KCNQ5: variants seen among roughly 807,000 people sequenced by gnomAD.
The protein encoded by KCNQ5 is potassium voltage-gated channel subfamily KQT member 5.
A neutral mutation model predicts 98.2 loss-of-function variants in KCNQ5; 30 were observed. That is an observed-to-expected ratio of 0.31 (90% CI 0.23 to 0.41). The LOEUF is 0.41. Among genes scored for constraint, KCNQ5 ranks in the 10% least tolerant of loss-of-function variants. KCNQ5 has a pLI of 1.00. For synonymous variants in KCNQ5, 458 were observed against 449.4 expected (o/e 1.02, Z -0.24); for missense variants, 835 against 1,182.5 (o/e 0.71, Z 4.31).
chr6:73,048,183 A>G (rs1259964269), intron 3 of KCNQ5, among the ~76,000 whole-genome samples: 1 of 152,224 alleles, frequency 6.6e-6, no homozygotes, highest in Non-Finnish European at 1.5e-5. Flanking sequence ...AAACAGAAAG[A>G]GTAGAGGCTA....
intron 1 of KCNQ5, among the ~76,000 whole-genome samples, chr6:72,977,682 G>T (rs1768222999): frequency 6.6e-6 from 1 of 152,016 alleles, no homozygotes; most frequent in Admixed American, 6.6e-5. Flanking sequence ...GACCTTCCCT[G>T]ACCACTTTGT....
chr6:72,904,254 A>G (rs1779615813), intron 1 of KCNQ5, among the ~76,000 whole-genome samples: 1 of 152,196 alleles, frequency 6.6e-6, no homozygotes, highest in African/African-American at 2.4e-5. Context: ...CTTATGTGTT[A>G]GATGAGTGTC....
At chr6:72,822,401 G>A (rs904306301) in intron 1 of KCNQ5, among the ~76,000 whole-genome samples, 1 of 152,176 alleles carries the variant, frequency 6.6e-6, no homozygotes. Flanking sequence ...AGAATGATGT[G>A]CATGTTTTTT....
At chr6:72,911,075 A>G (rs1375034455) in intron 1 of KCNQ5, among the ~76,000 whole-genome samples, 2 of 152,318 alleles carry the variant, frequency 1.3e-5, no homozygotes, top group East Asian at 3.9e-4. Flanking sequence ...CCCAAGGGCA[A>G]TGGAAAGCCG....
At chr6:73,194,115 C>T (rs1765697226) in intron 13 of KCNQ5, among the ~76,000 whole-genome samples, 1 of 152,140 alleles carries the variant, frequency 6.6e-6, no homozygotes, top group South Asian at 2.1e-4. Flanking sequence ...GCATTACAGG[C>T]ATGAGCCACT....
At chr6:73,085,154 T>C (rs551678909) in intron 5 of KCNQ5, among the ~76,000 whole-genome samples, 1 of 152,158 alleles carries the variant, frequency 6.6e-6, no homozygotes, top group African/African-American at 2.4e-5. Context: ...TGACTTAAAA[T>C]GTCAAAGCCA....
intron 1 of KCNQ5, among the ~76,000 whole-genome samples, chr6:72,718,813 G>T (rs113878359): frequency 6.6e-6 from 1 of 152,094 alleles, no homozygotes; most frequent in Non-Finnish European, 1.5e-5. Context: ...GACAAGGAGA[G>T]ACTAAACAAA....
intron 2 of KCNQ5, among the ~76,000 whole-genome samples, chr6:73,035,984 T>TG (rs1300985754): frequency 2.7e-5 from 3 of 112,104 alleles, no homozygotes; most frequent in African/African-American, 9.8e-5. Flanking sequence ...CTTGAATACA[T>TG]TTGTGTGTGT....
intron 1 of KCNQ5, among the ~76,000 whole-genome samples, chr6:72,648,719 T>A (rs1176102676): frequency 1.3e-5 from 2 of 151,618 alleles, no homozygotes; most frequent in African/African-American, 2.4e-5. Context: ...TAAATTTTTT[T>A]AAAACCTAAG....
rs1278828929 is a variant in KCNQ5 at position 73,195,607 on chromosome 6, A to G, written c.*193A>G. The G allele has an allele frequency of 1.5e-6, 1 of 650,390 alleles. No homozygotes were observed. The highest frequency in any genetic ancestry group is 1.8e-5 in the African/African-American group (1 of 54,758). The allele number at this position is 650,390 out of a possible 1,614,324, so 40.3% of individuals were successfully genotyped here. A position where few individuals can be genotyped will look rare whatever the true frequency, so the allele number is the denominator to read the frequency against. On this transcript the variant is annotated 3_prime_UTR_variant, in exon 14 of 14. Coordinates refer to ENST00000370398, the MANE Select transcript of KCNQ5 (RefSeq NM_019842.4). ...ATGGCTAAAATTCCAAGGTGCATCG[A>G]CATTAACCCACTCATTTAGTAATGT...
chr6:72,763,731 G>A (rs1772407828), intron 1 of KCNQ5, among the ~76,000 whole-genome samples: 2 of 151,944 alleles, frequency 1.3e-5, no homozygotes, highest in South Asian at 4.1e-4. Flanking sequence ...GGCAAGTAAG[G>A]AAAGGGAAAG....
intron 10 of KCNQ5, among the ~76,000 whole-genome samples, chr6:73,142,489 A>G (rs1456320124): frequency 1.3e-5 from 2 of 149,302 alleles, no homozygotes; most frequent in Non-Finnish European, 3.0e-5. Context: ...TATCCTTTGT[A>G]TTATATCTCA....
intron 11 of KCNQ5, among the ~76,000 whole-genome samples, chr6:73,190,183 A>G (rs188868783): frequency 3.9e-5 from 6 of 152,330 alleles, no homozygotes; most frequent in Admixed American, 3.9e-4. Flanking sequence ...AGTTCCATAA[A>G]AGACCATTTT....
At chr6:73,142,683 A>AG (rs1425426051) in intron 10 of KCNQ5, among the ~76,000 whole-genome samples, 1 of 152,128 alleles carries the variant, frequency 6.6e-6, no homozygotes, top group East Asian at 1.9e-4. Flanking sequence ...TGGGAGGCTG[A>AG]GGGGGATGGA....
At chr6:72,904,397 A>G (rs901377394) in intron 1 of KCNQ5, among the ~76,000 whole-genome samples, 4 of 152,080 alleles carry the variant, frequency 2.6e-5, no homozygotes, top group Admixed American at 1.3e-4. Flanking sequence ...TCATCATGCT[A>G]TTTGTTGCCT....
intron 5 of KCNQ5, among the ~76,000 whole-genome samples, chr6:73,089,117 T>C (rs1774121518): frequency 6.6e-6 from 1 of 152,182 alleles, no homozygotes; most frequent in African/African-American, 2.4e-5. Context: ...TCAGTAAATA[T>C]ATATTGAGTG....
chr6:72,872,732 A>G (rs1778259812), intron 1 of KCNQ5, among the ~76,000 whole-genome samples: 1 of 152,078 alleles, frequency 6.6e-6, no homozygotes, highest in South Asian at 2.1e-4. Flanking sequence ...CGAATTGTAC[A>G]AAAATAGGGG....
At position 72,752,043 on chromosome 6, in the gene KCNQ5, T is replaced by C. The variant is rs552510532; in HGVS notation, c.398+129456T>C. On this transcript the variant is annotated intron_variant, in intron 1 of 13. Coordinates refer to ENST00000370398, the MANE Select transcript of KCNQ5 (RefSeq NM_019842.4). ...TTGGTTTTTGCTATACTACCATACA[T>C]TGCTTCACGTTGGGGGTAAGCTATC... 2.5e-3 allele frequency among the ~76,000 whole-genome samples: 374 copies of C among 152,184 alleles called. 3 individuals carry two copies. The highest frequency in any genetic ancestry group is 8.7e-3 in the African/African-American group (360 of 41,552).
intron 5 of KCNQ5, among the ~76,000 whole-genome samples, chr6:73,096,320 G>A (rs532914903): frequency 7.8e-6 from 1 of 127,758 alleles, no homozygotes; most frequent in East Asian, 2.3e-4. Context: ...GAAAAGCAAG[G>A]GCAAAGGTCC....
Sources: gnomAD v4.1 joint callset for allele counts (sites outside exome capture counted in the v4.1 genomes callset) on GRCh38, gnomAD v4.1.1 for gene constraint, MANE v1.5 for transcripts, NCBI Gene and HGNC (gene_info 2026-07-23, HGNC 2026-07-21) for gene names.